The following PRDM8 variants were observed in gnomAD, a reference collection of about 807,000 sequenced individuals.
PRDM8 encodes the protein PR/SET domain 8, also known as PR domain zinc finger protein 8.
A neutral mutation model predicts 46.5 loss-of-function variants in PRDM8; 13 were observed. The ratio of observed to expected loss-of-function variants is 0.28; its 90% CI spans 0.18 to 0.44. The LOEUF (loss-of-function observed/expected upper bound fraction) is 0.44, where lower values mean the gene tolerates loss of function less well. Ranked by LOEUF, PRDM8 falls within the 20% of genes least tolerant of loss-of-function variation. PRDM8 has a pLI of 1.00. For synonymous variants in PRDM8, 473 were observed against 438.4 expected, an observed-to-expected ratio of 1.08 and a Z score of -0.98; for missense variants, 998 against 955.0, an observed-to-expected ratio of 1.04 and a Z score of -0.59.
In PRDM8 at chr4:80,203,678, C is replaced by T; in HGVS notation, c.*146C>T. 2 of 1,369,924 alleles carry T rather than the reference C, an allele frequency of 1.5e-6. No homozygotes were observed. Among genetic ancestry groups the T allele is most frequent in the Non-Finnish European group, 1.9e-6 (2 of 1,053,304 alleles). The allele number at this position is 1,369,924 out of a possible 1,614,324, so 84.9% of individuals were successfully genotyped here. On this transcript the variant is annotated 3_prime_UTR_variant, in exon 4 of 4. Transcript: ENST00000415738. The stretch of plus-strand genomic sequence containing the variant: ...ATTCACCGCCCCCCCGCCCCCCCAA[C>T]GCGCACACACACGTCCTCTCCTCCC...
rs974122089 is a variant in PRDM8 at position 80,202,312 on chromosome 4, A to G, written c.850A>G (p.Ser284Gly). ...GSSCSPAQSL[S>G]SGSGSGGGGG... ...CAGCTGCTCCCCAGCCCAGAGCCTCAGCAGCGGTAGCGGCAGCGGCGGCGG... is the reference window on the plus strand; with the variant it reads ...CAGCTGCTCCCCAGCCCAGAGCCTCGGCAGCGGTAGCGGCAGCGGCGGCGG... Residue 284 changes from serine to glycine, a missense_variant, in exon 4 of 4, where the codon AGC becomes GGC. Physicochemically the swap from Ser to Gly is moderately conservative, Grantham distance 56 (BLOSUM62 0). Transcript: ENST00000415738. 1 of 1,607,896 alleles carries G rather than the reference A, an allele frequency of 6.2e-7. No homozygotes were observed. The highest frequency in any genetic ancestry group is 1.7e-5 in the Admixed American group (1 of 59,734).
At chr4:80,197,340 G>A, upstream of PRDM8, 1 of 962,298 alleles carries the variant, frequency 1.0e-6, no homozygotes, top group Non-Finnish European at 1.2e-6. Context: ...AGGCGCTCAG[G>A]ATCTGCGGGG....
intron 2 of PRDM8, 55 bp from the exon 3 acceptor site, chr4:80,201,235 G>T: frequency 2.0e-6 from 3 of 1,485,856 alleles, no homozygotes; most frequent in East Asian, 4.6e-5. Context: ...ATTCCCTCAT[G>T]AGGGTCCCTC....
upstream of PRDM8, chr4:80,194,142 T>C: frequency 1.1e-6 from 1 of 905,760 alleles, no homozygotes; most frequent in Non-Finnish European, 1.3e-6. Flanking sequence ...GTGTCATTTA[T>C]CAACCTCTCT....
chr4:80,203,518 A>T lies in PRDM8; in HGVS notation c.2056A>T (p.Thr686Ser). 1.2e-6 allele frequency: 2 copies of T among 1,610,018 alleles called. No individual in the cohort carries two copies. The highest frequency in any genetic ancestry group is 1.7e-6 in the Non-Finnish European group (2 of 1,177,852). ...GCGCCACCACCTCTCCAGGCACATGACCTCGCATAATTGACTCGGAAAGGA... is the reference window on the plus strand; with the variant it reads ...GCGCCACCACCTCTCCAGGCACATGTCCTCGCATAATTGACTCGGAAAGGA... ...RERHHLSRHMTSHN is the reference protein window; with the variant it reads ...RERHHLSRHMSSHN Residue 686 changes from threonine (T) to serine (S), a missense_variant, in exon 4 of 4, where the codon ACC becomes TCC. Thr to Ser is a moderately conservative substitution (Grantham distance 58). Transcript: ENST00000415738.
At chr4:80,186,132 G>C (rs1461122345) in intron 1 of PRDM8, among the ~76,000 whole-genome samples, 1 of 152,180 alleles carries the variant, frequency 6.6e-6, no homozygotes, top group African/African-American at 2.4e-5. Flanking sequence ...GTGACGCTTA[G>C]CTTTTCCCGT....
In PRDM8 at chr4:80,202,757, G is replaced by C. The variant is rs1334350728; in HGVS notation, c.1295G>C (p.Gly432Ala). 9 of 1,275,982 alleles carry C rather than the reference G, an allele frequency of 7.1e-6. No individual in the cohort carries two copies. Among genetic ancestry groups the C allele is most frequent in the Non-Finnish European group, 7.9e-6 (8 of 1,016,374 alleles). 79.0% of individuals were successfully genotyped at this position (1,275,982 alleles called of 1,614,324 possible). A position where few individuals can be genotyped will look rare whatever the true frequency, so the allele number is the denominator to read the frequency against. ...ACGCCCGCGGCCGCGTCACCGGTGG[G>C]CGCCGAGAAGCTGCTGGCCCCGCGG... The part of the protein sequence containing the change: ...SSTPAAASPV[G>A]AEKLLAPRPG... Residue 432 changes from glycine to alanine, a missense_variant, in exon 4 of 4, where the codon GGC becomes GCC. Coordinates refer to ENST00000415738, the MANE Select transcript of PRDM8 (RefSeq NM_001099403.2).
intron 1 of PRDM8, among the ~76,000 whole-genome samples, chr4:80,188,100 C>T (rs1251499408): frequency 1.3e-5 from 2 of 152,240 alleles, no homozygotes; most frequent in African/African-American, 4.8e-5. Context: ...CCACAAGCTA[C>T]TTCCTTCCAA....
Position 80,203,298 on chromosome 4 carries a change from G to A in PRDM8, c.1836G>A (p.Leu612=), listed in dbSNP as rs747248734. The change falls in exon 4 of 4, where the codon CTG becomes CTA. Residue 612 remains leucine (L), a synonymous_variant. Transcript: ENST00000415738. ...AGCTGCCCTCGGCGCTCACGCTGCT[G>A]CCGCCCTCCTTCACCTCGCTGTGTC... The part of the protein sequence containing the change: ...QLQLPSALTL[L]PPSFTSLCLP... The A allele has an allele frequency of 1.9e-6, 3 of 1,609,954 alleles. No homozygotes were observed. In the East Asian group the frequency reaches 6.7e-5, roughly 36 times the overall value.
intron 1 of PRDM8, 124 bp from the exon 2 acceptor site, chr4:80,199,955 G>C: frequency 1.5e-6 from 1 of 682,328 alleles, no homozygotes; most frequent in South Asian, 1.9e-5. Flanking sequence ...TTTGAAATAA[G>C]AGCTATGCAA....
chr4:80,186,078 G>A (rs1304539938), intron 1 of PRDM8, among the ~76,000 whole-genome samples: 1 of 152,164 alleles, frequency 6.6e-6, no homozygotes, highest in Admixed American at 6.5e-5. Flanking sequence ...AAACCCGGTG[G>A]CCACAAGGGA....
In PRDM8 at chr4:80,203,775, C is replaced by T. The variant is rs1300745897; in HGVS notation, c.*243C>T. ...ACACACACACAGACACACTCACACA[C>T]AAGAGCCAGGATGGTGGAGTTTTGA... On this transcript the variant is annotated 3_prime_UTR_variant, in exon 4 of 4. Transcript: ENST00000415738. 6.9e-6 allele frequency: 3 copies of T among 435,306 alleles called. No homozygotes were observed. Among genetic ancestry groups the T allele is most frequent in the African/African-American group, 2.1e-5 (1 of 47,420 alleles). The allele number at this position is 435,306 out of a possible 1,614,324, so 27.0% of individuals were successfully genotyped here. A position where few individuals can be genotyped will look rare whatever the true frequency, so the allele number is the denominator to read the frequency against.
rs200777615 is a variant in PRDM8, at chr4:80,201,399, G to C, written c.329G>C (p.Gly110Ala). ...AACCTTGAAGCCTACATAAAAAACG[G>C]ACAGCTGTTCTACCGCTCTCTCCGC... ...EQNLEAYIKN[G>A]QLFYRSLRRI... is the part of the protein sequence containing the mutation. Residue 110 changes from glycine to alanine, a missense_variant, in exon 3 of 4, where the codon GGA becomes GCA. By Grantham distance (60) the Gly-to-Ala change is moderately conservative. Coordinates refer to ENST00000415738, the MANE Select transcript of PRDM8 (RefSeq NM_001099403.2). 4.5e-4 allele frequency: 731 copies of C among 1,614,108 alleles called. No homozygotes were observed. The highest frequency in any genetic ancestry group is 5.9e-4 in the Non-Finnish European group (701 of 1,180,052).
chr4:80,195,928 C>CACAGAGAGAGAGAGAGAGAGAGAGAG (rs373592223), upstream of PRDM8: 15 of 139,972 alleles, frequency 1.1e-4, no homozygotes, highest in African/African-American at 1.8e-4. Flanking sequence ...CACACACACA[C>CACAGAGAGAGAGAGAGAGAGAGAGAG]AGAGAGAGAG....
rs114937406 is a variant in PRDM8, at chr4:80,185,788, C to T, written c.-983+270C>T. 5.3e-3 allele frequency among the ~76,000 whole-genome samples: 812 copies of T among 152,358 alleles called. 4 individuals carry two copies. Among genetic ancestry groups the T allele is most frequent in the African/African-American group, 0.019 (785 of 41,586 alleles). Reference sequence around the variant, plus strand: ...ATGTCGTTCAATTAATCATATTTCCCTTCTCCCATTTTATTCAAAACCGTC... The same window carrying T: ...ATGTCGTTCAATTAATCATATTTCCTTTCTCCCATTTTATTCAAAACCGTC... On this transcript the variant is annotated intron_variant, in intron 1 of 9. Coordinates refer to the PRDM8 transcript ENST00000339711.
chr4:80,203,186 T>A lies in PRDM8; in HGVS notation c.1724T>A (p.Phe575Tyr). 1 of 1,550,028 alleles carries A rather than the reference T, an allele frequency of 6.5e-7. No homozygotes were observed. Among genetic ancestry groups the A allele is most frequent in the Non-Finnish European group, 8.7e-7 (1 of 1,151,478 alleles). Residue 575 changes from phenylalanine to tyrosine, a missense_variant, in exon 4 of 4, where the codon TTC becomes TAC. Physicochemically the swap from Phe to Tyr is conservative, Grantham distance 22. Coordinates refer to ENST00000415738, the MANE Select transcript of PRDM8 (RefSeq NM_001099403.2). ...GGGGLPKQSP[F>Y]LYATAFWPKS... is the part of the protein sequence containing the mutation. ...GGCGGCCTGCCTAAGCAGAGCCCCT[T>A]CCTGTACGCCACCGCCTTCTGGCCC...
upstream of PRDM8, chr4:80,196,923 C>G (rs965341470): frequency 4.1e-6 from 4 of 985,364 alleles, no homozygotes; most frequent in Non-Finnish European, 4.8e-6. Context: ...GAAGGCTGAG[C>G]CAAGTTCTCA....
At position 80,201,285 on chromosome 4, in the gene PRDM8, C is replaced by T; in HGVS notation, c.220-5C>T. On this transcript the variant is annotated splice_polypyrimidine_tract_variant and splice_region_variant and intron_variant, in intron 2 of 3. Coordinates refer to ENST00000415738, the MANE Select transcript of PRDM8 (RefSeq NM_001099403.2). ...TTGTCTTCTTTCATTTATTTCAAAC[C>T]GCAGGTAGACACCTCAGCAGCAAAT... 6.2e-7 allele frequency: 1 copy of T among 1,613,724 alleles called. No homozygotes were observed. The highest frequency in any genetic ancestry group is 8.5e-7 in the Non-Finnish European group (1 of 1,179,682).
At chr4:80,200,780 A>T (rs1738384118) in intron 2 of PRDM8, among the ~76,000 whole-genome samples, 1 of 152,248 alleles carries the variant, frequency 6.6e-6, no homozygotes, top group Non-Finnish European at 1.5e-5. Context: ...ACAGTAAAGC[A>T]TCATCAAATC....
Sources: gnomAD v4.1 joint callset for allele counts (sites outside exome capture counted in the v4.1 genomes callset) on GRCh38, gnomAD v4.1.1 for gene constraint, MANE v1.5 for transcripts, NCBI Gene and HGNC (gene_info 2026-07-23, HGNC 2026-07-21) for gene names.